CCSER1: variants seen among roughly 807,000 people sequenced by gnomAD.
CCSER1 encodes the protein coiled-coil serine rich protein 1.
In CCSER1, 41 loss-of-function variants were observed where a neutral mutation model predicts 82.0. The observed-to-expected ratio is 0.50, with a 90% CI of 0.39 to 0.65. The LOEUF is 0.65. Among genes scored for constraint, CCSER1 ranks in the 30% least tolerant of loss-of-function variants. The pLI is 0.00. For missense variants in CCSER1, 1,119 were observed against 1,064.2 expected (o/e 1.05, Z -0.72); for synonymous variants, 414 against 383.9 (o/e 1.08, Z -0.92).
intron 7 of CCSER1, among the ~76,000 whole-genome samples, chr4:90,797,635 G>A (rs184789020): frequency 3.9e-5 from 6 of 152,252 alleles, no homozygotes; most frequent in Admixed American, 2.6e-4. Flanking sequence ...TGTATTTAGT[G>A]CTTCCTTCAG....
intron 5 of CCSER1, among the ~76,000 whole-genome samples, chr4:90,541,977 A>T (rs554456724): frequency 1.3e-5 from 2 of 151,986 alleles, no homozygotes; most frequent in African/African-American, 4.8e-5. Flanking sequence ...TGAGAATCAG[A>T]TACTTATCAA....
At chr4:91,115,580 C>T (rs1438992750) in intron 10 of CCSER1, among the ~76,000 whole-genome samples, 3 of 134,726 alleles carry the variant, frequency 2.2e-5, no homozygotes, top group African/African-American at 7.4e-5. Flanking sequence ...CCGCCTTGGT[C>T]AACTCTTTTT....
At chr4:90,262,508 T>TAAA (rs1724515460) in intron 1 of CCSER1, among the ~76,000 whole-genome samples, 1 of 152,194 alleles carries the variant, frequency 6.6e-6, no homozygotes, top group Non-Finnish European at 1.5e-5. Flanking sequence ...TTTAAAATTT[T>TAAA]AATTAGTTTT....
chr4:91,159,362 T>C (rs1199161095), intron 10 of CCSER1, among the ~76,000 whole-genome samples: 4 of 151,992 alleles, frequency 2.6e-5, no homozygotes, highest in Non-Finnish European at 5.9e-5. Flanking sequence ...GTGTTCCATA[T>C]TGACACTTGC....
At chr4:90,221,421 A>G (rs1414211157) in intron 1 of CCSER1, among the ~76,000 whole-genome samples, 1 of 152,180 alleles carries the variant, frequency 6.6e-6, no homozygotes, top group Non-Finnish European at 1.5e-5. Flanking sequence ...GCATATTTAC[A>G]GAGCACCTAC....
At chr4:90,449,492 A>G (rs1437801255) in intron 4 of CCSER1, among the ~76,000 whole-genome samples, 1 of 151,986 alleles carries the variant, frequency 6.6e-6, no homozygotes, top group African/African-American at 2.4e-5. Context: ...GCTTCCATCA[A>G]CCTGCCATTC....
intron 1 of CCSER1, among the ~76,000 whole-genome samples, chr4:90,198,340 A>C (rs965315173): frequency 6.6e-6 from 1 of 152,110 alleles, no homozygotes; most frequent in African/African-American, 2.4e-5. Flanking sequence ...AGCATGAAAA[A>C]GATACCACTG....
intron 10 of CCSER1, among the ~76,000 whole-genome samples, chr4:91,512,694 T>C (rs1759892402): frequency 6.6e-6 from 1 of 152,220 alleles, no homozygotes; most frequent in Admixed American, 6.5e-5. Flanking sequence ...CTTGATTAGA[T>C]GTATTCCTAG....
chr4:91,501,801 TAAAAG>T (rs1301740151), intron 10 of CCSER1, among the ~76,000 whole-genome samples: 12 of 152,124 alleles, frequency 7.9e-5, no homozygotes, highest in Non-Finnish European at 1.8e-4. Flanking sequence ...GGGCATGTCA[TAAAAG>T]AAACATGAAA....
At chr4:91,076,621 T>A (rs1238164828) in intron 9 of CCSER1, among the ~76,000 whole-genome samples, 1 of 152,152 alleles carries the variant, frequency 6.6e-6, no homozygotes, top group African/African-American at 2.4e-5. Flanking sequence ...ATTTCCTCCT[T>A]TGAAAAAATA....
intron 9 of CCSER1, among the ~76,000 whole-genome samples, chr4:91,007,398 G>A (rs1263547726): frequency 6.6e-6 from 1 of 152,176 alleles, no homozygotes; most frequent in East Asian, 1.9e-4. Flanking sequence ...GAATACAGCA[G>A]TGGAGGTGTC....
chr4:91,493,416 T>C (rs2110075041), intron 10 of CCSER1, among the ~76,000 whole-genome samples: 1 of 149,784 alleles, frequency 6.7e-6, no homozygotes, highest in African/African-American at 2.4e-5. Context: ...ACATAATTTC[T>C]ACATGTTCAA....
At chr4:91,391,776 A>C (rs1284745126) in intron 10 of CCSER1, among the ~76,000 whole-genome samples, 1 of 152,132 alleles carries the variant, frequency 6.6e-6, no homozygotes, top group Non-Finnish European at 1.5e-5. Flanking sequence ...GGTCTGTTTT[A>C]GAAAATGTTC....
chr4:90,830,177 G>T (rs959697965), intron 8 of CCSER1, among the ~76,000 whole-genome samples: 2 of 152,138 alleles, frequency 1.3e-5, no homozygotes, highest in African/African-American at 4.8e-5. Flanking sequence ...CTTAACTACA[G>T]CATAAAATGT....
At chr4:91,303,394 T>C (rs531949003) in intron 10 of CCSER1, among the ~76,000 whole-genome samples, 1 of 152,156 alleles carries the variant, frequency 6.6e-6, no homozygotes, top group East Asian at 1.9e-4. Flanking sequence ...GTATTTTGGA[T>C]GGAATACTGG....
At chr4:90,389,684 T>C (rs1750650808) in intron 3 of CCSER1, among the ~76,000 whole-genome samples, 1 of 152,212 alleles carries the variant, frequency 6.6e-6, no homozygotes, top group African/African-American at 2.4e-5. Flanking sequence ...CAGACTTTTC[T>C]AGCAGGAAGT....
chr4:91,370,887 T>G (rs961305747), intron 10 of CCSER1, among the ~76,000 whole-genome samples: 1 of 152,018 alleles, frequency 6.6e-6, no homozygotes, highest in Non-Finnish European at 1.5e-5. Context: ...GTTATTTTTA[T>G]TTTTTACTCT....
At chr4:90,865,804 C>T (rs1247253749) in intron 8 of CCSER1, among the ~76,000 whole-genome samples, 1 of 151,838 alleles carries the variant, frequency 6.6e-6, no homozygotes, top group African/African-American at 2.4e-5. Flanking sequence ...CTGTATTAGT[C>T]CATGCTTGCA....
intron 10 of CCSER1, among the ~76,000 whole-genome samples, chr4:91,284,998 C>CTTTTTTTTTTTTTTTTTTTTTTTTTTTT (rs1743175158): frequency 1.3e-5 from 2 of 151,946 alleles, no homozygotes; most frequent in African/African-American, 4.8e-5. Flanking sequence ...AGTTTGGGTT[C>CTTTTTTTTTTTTTTTTTTTTTTTTTTTT]TTATGAATAT....
Sources: gnomAD v4.1 joint callset for allele counts (sites outside exome capture counted in the v4.1 genomes callset) on GRCh38, gnomAD v4.1.1 for gene constraint, MANE v1.5 for transcripts, NCBI Gene and HGNC (gene_info 2026-07-23, HGNC 2026-07-21) for gene names.